Variants in CACNG7 observed in about 807,000 individuals in gnomAD.
CACNG7 encodes calcium voltage-gated channel auxiliary subunit gamma 7, also known as voltage-dependent calcium channel gamma-7 subunit.
CACNG7 carries 9 observed loss-of-function variants against 26.3 expected under a neutral mutation model. The observed-to-expected ratio is 0.34, with a 90% CI of 0.21 to 0.60. The LOEUF (loss-of-function observed/expected upper bound fraction) is 0.60. Among genes scored for constraint, CACNG7 ranks in the 20% least tolerant of loss-of-function variants. The pLI is 0.81. For missense variants in CACNG7, 297 were observed against 380.4 expected (o/e 0.78, Z 1.82); for synonymous variants, 170 against 157.0 (o/e 1.08, Z -0.62).
intron 4 of CACNG7, among the ~76,000 whole-genome samples, chr19:53,921,789 G>C (rs1242412856): frequency 9.7e-6 from 1 of 103,282 alleles, no homozygotes; most frequent in Non-Finnish European, 1.9e-5. Context: ...GTCATTGGTG[G>C]AGTTGTCCCC....
chr19:53,914,737 C>T (rs1055561133), intron 3 of CACNG7, 151 bp downstream of exon 3: 5 of 700,194 alleles, frequency 7.1e-6, no homozygotes, highest in East Asian at 2.7e-5. Flanking sequence ...CATGGTGGCT[C>T]ACACCTGTAA....
chr19:53,928,152 G>A (rs185609108), intron 4 of CACNG7, among the ~76,000 whole-genome samples: 16 of 152,202 alleles, frequency 1.1e-4, no homozygotes, highest in African/African-American at 3.1e-4. Flanking sequence ...AAAAAGCAAC[G>A]ATAAGAATGA....
chr19:53,914,912 G>A (rs1368852722), intron 3 of CACNG7, among the ~76,000 whole-genome samples: 2 of 151,708 alleles, frequency 1.3e-5, no homozygotes, highest in African/African-American at 4.8e-5. Flanking sequence ...TGAGGCAGGA[G>A]AATCGCTTGA....
intron 4 of CACNG7, among the ~76,000 whole-genome samples, chr19:53,923,377 G>T (rs1372716495): frequency 3.6e-5 from 5 of 140,352 alleles, no homozygotes; most frequent in African/African-American, 1.3e-4. Context: ...TCTGGTCATT[G>T]GTGGAGTTGT....
At chr19:53,915,539 AT>A in intron 4 of CACNG7, 34 bp downstream of exon 4, 1 of 1,610,762 alleles carries the variant, frequency 6.2e-7, no homozygotes, top group East Asian at 2.2e-5. Flanking sequence ...GGGGGGGACC[AT>A]TTCCAGTTCC....
At chr19:53,925,004 G>C (rs540436809) in intron 4 of CACNG7, among the ~76,000 whole-genome samples, 1 of 134,656 alleles carries the variant, frequency 7.4e-6, no homozygotes, top group Admixed American at 7.1e-5. Context: ...AGTTGCCCCA[G>C]GTCTGGTATT....
chr19:53,923,803 T>G (rs1323546111), intron 4 of CACNG7, among the ~76,000 whole-genome samples: 5 of 106,132 alleles, frequency 4.7e-5, no homozygotes, highest in African/African-American at 9.0e-5. Flanking sequence ...CCAGGTCTGG[T>G]CATTGGTGGA....
At chr19:53,927,813 G>A in intron 4 of CACNG7, among the ~76,000 whole-genome samples, 1 of 150,910 alleles carries the variant, frequency 6.6e-6, no homozygotes, top group Non-Finnish European at 1.5e-5. Flanking sequence ...ACTCCAGCTT[G>A]GGCAACAAGA....
chr19:53,920,493 TCTGGTCATTGGTGGAGTTGCCCCAGG>T (rs2068935606), intron 4 of CACNG7, among the ~76,000 whole-genome samples: 1 of 27,638 alleles, frequency 3.6e-5, no homozygotes, highest in Non-Finnish European at 5.8e-5. Context: ...TTGCCCCAGG[TCTGGTCATTGGTGGAGTTGCCCCAGG>T]CTGGTCATTG....
rs1174576314 is a variant in CACNG7, at chr19:53,912,562, T to C, written c.-29-241T>C. 2.0e-5 allele frequency among the ~76,000 whole-genome samples: 3 copies of C among 152,190 alleles called. No individual in the cohort carries two copies. In the East Asian group the frequency reaches 5.8e-4, roughly 29 times the overall value. On this transcript the variant is annotated intron_variant, in intron 1 of 5. Transcript: ENST00000391767. The surrounding 1 kb of genome is among the most constrained non-coding windows in gnomAD (Gnocchi z 4.6). ...CTAATTCTGGGGTTGGGGATCTGGA[T>C]CTGGAGCTAGACCACAGGCAGCAGG...
intron 4 of CACNG7, among the ~76,000 whole-genome samples, chr19:53,916,821 G>A (rs924035071): frequency 2.3e-4 from 31 of 132,788 alleles, no homozygotes; most frequent in Non-Finnish European, 2.5e-4. Context: ...TTTTTGAGAC[G>A]GAGTCTCCCT....
Position 53,941,552 on chromosome 19 carries a change from G to C in CACNG7, c.507G>C (p.Gln169His). ...TGAACAGGCCCAGCAGCTCTGAGCAGTATTTTCATTATCGCTACGGGTGGT... is the reference window on the plus strand; with the variant it reads ...TGAACAGGCCCAGCAGCTCTGAGCACTATTTTCATTATCGCTACGGGTGGT... Reference protein sequence around the residue: ...EVMNRPSSSEQYFHYRYGWSF... With the variant: ...EVMNRPSSSEHYFHYRYGWSF... The change falls in exon 5 of 6, where the codon CAG (glutamine) becomes CAC (histidine). Residue 169 changes from glutamine (Q) to histidine (H), a missense_variant. Physicochemically the swap from Gln to His is conservative, Grantham distance 24. Coordinates refer to ENST00000391767, the MANE Select transcript of CACNG7 (RefSeq NM_031896.5). 2 of 1,609,284 alleles carry C rather than the reference G, an allele frequency of 1.2e-6. No individual in the cohort carries two copies. The highest frequency in any genetic ancestry group is 1.7e-6 in the Non-Finnish European group (2 of 1,178,526).
At chr19:53,919,405 C>A (rs1364008312) in intron 4 of CACNG7, among the ~76,000 whole-genome samples, 1 of 143,392 alleles carries the variant, frequency 7.0e-6, no homozygotes, top group Admixed American at 6.9e-5. Context: ...TGTCCCCAGG[C>A]CTGGTCATTG....
At chr19:53,931,714 GA>G (rs1219654464) in intron 4 of CACNG7, among the ~76,000 whole-genome samples, 2 of 137,630 alleles carry the variant, frequency 1.5e-5, no homozygotes, top group African/African-American at 5.3e-5. Context: ...AAAAAGAAAG[GA>G]AAAAAAGCCT....
In CACNG7 at chr19:53,912,421, TA is replaced by T. The variant is rs779925227; in HGVS notation, c.-29-380del. ...TGGCAGGGGGACCTGGTTCTGGGGT[TA>T]AGAAGCTCAAATTAGAATTTCTGCT... is the stretch of plus-strand genomic sequence containing the variant. On this transcript the variant is annotated intron_variant, in intron 1 of 5. Coordinates refer to ENST00000391767, the MANE Select transcript of CACNG7 (RefSeq NM_031896.5). The surrounding 1 kb of genome is among the most constrained non-coding windows in gnomAD (Gnocchi z 4.6). Among the ~76,000 whole-genome samples, 24 of 152,160 alleles carry T rather than the reference TA, an allele frequency of 1.6e-4. No homozygotes were observed. Among genetic ancestry groups the T allele is most frequent in the Admixed American group, 4.6e-4 (7 of 15,284 alleles).
At chr19:53,935,710 G>A (rs1301041464) in intron 4 of CACNG7, among the ~76,000 whole-genome samples, 1 of 128,176 alleles carries the variant, frequency 7.8e-6, no homozygotes, top group Non-Finnish European at 1.5e-5. Context: ...CGCGATCTCG[G>A]CTCACTGCAA....
chr19:53,927,853 A>G (rs2069043276), intron 4 of CACNG7, among the ~76,000 whole-genome samples: 1 of 144,444 alleles, frequency 6.9e-6, no homozygotes, highest in Admixed American at 6.7e-5. Context: ...AAAAAAAAAA[A>G]GGAAAGAAAA....
At chr19:53,921,372 G>A (rs1271320820) in intron 4 of CACNG7, among the ~76,000 whole-genome samples, 1 of 144,942 alleles carries the variant, frequency 6.9e-6, no homozygotes, top group African/African-American at 2.7e-5. Flanking sequence ...TCGTCCCCAG[G>A]TCTGGTCATT....
chr19:53,942,355 C>A lies in CACNG7; in HGVS notation c.*62C>A. On this transcript the variant is annotated 3_prime_UTR_variant, in exon 6 of 6. Coordinates refer to ENST00000391767, the MANE Select transcript of CACNG7 (RefSeq NM_031896.5). The surrounding 1 kb of genome is among the most constrained non-coding windows in gnomAD (Gnocchi z 5.9). ...TCCTCGTCTTAGGGGGGTCTCCCTG[C>A]AATGCAGCGCCCCCTTCCGTCCTCG... 1 of 1,549,826 alleles carries A rather than the reference C, an allele frequency of 6.5e-7. No homozygotes were observed. Among genetic ancestry groups the A allele is most frequent in the African/African-American group, 1.3e-5 (1 of 74,124 alleles).
Sources: gnomAD v4.1 joint callset for allele counts (sites outside exome capture counted in the v4.1 genomes callset) on GRCh38, gnomAD v4.1.1 for gene constraint, Gnocchi (gnomAD v3.1) non-coding constraint, MANE v1.5 for transcripts, NCBI Gene and HGNC (gene_info 2026-07-23, HGNC 2026-07-21) for gene names.